The following STAT6 variants were observed in gnomAD, a reference collection of about 807,000 sequenced individuals.
The protein encoded by STAT6 is STAT, interleukin4-induced.
In STAT6, 45 loss-of-function variants were observed where a neutral mutation model predicts 106.3. That is an observed-to-expected ratio of 0.42 (90% CI 0.33 to 0.54). The LOEUF (loss-of-function observed/expected upper bound fraction) is 0.54, where lower values mean the gene tolerates loss of function less well. Among genes scored for constraint, STAT6 ranks in the 20% least tolerant of loss-of-function variants. The pLI is 0.06. For synonymous variants in STAT6, 413 were observed against 413.6 expected (o/e 1.00, Z 0.02); for missense variants, 797 against 1,062.2 (o/e 0.75, Z 3.47).
Position 57,102,462 on chromosome 12 carries a change from G to A in STAT6, c.1340C>T (p.Pro447Leu). 1 of 1,613,830 alleles carries A rather than the reference G, an allele frequency of 6.2e-7. No homozygotes were observed. The highest frequency in any genetic ancestry group is 8.5e-7 in the Non-Finnish European group (1 of 1,179,990). The change falls in exon 13 of 22, where the codon CCC becomes CTC. Residue 447 changes from proline (P) to leucine (L), a missense_variant. By Grantham distance (98) the Pro-to-Leu change is moderately conservative. Transcript: ENST00000300134. Reference protein sequence around the residue: ...RVPFVVAERVPWEKMCETLNL... With the variant: ...RVPFVVAERVLWEKMCETLNL... The stretch of plus-strand genomic sequence containing the variant: ...CAGAGTTTCACACATCTTCTCCCAG[G>A]GCACCCGCTCAGCCACCACAAAGGG...
Position 57,105,210 on chromosome 12 carries a change from G to C in STAT6, c.942C>G (p.Asp314Glu), listed in dbSNP as rs1565691154. The change falls in exon 9 of 22, where the codon GAC becomes GAG. Residue 314 changes from aspartate (D) to glutamate (E), a missense_variant. This residue lies in a region of STAT6 where 336 missense variants were observed against 429.8 expected (regional missense o/e 0.78). Transcript: ENST00000300134. ...APAKPPLVRA[D>E]MVTEKQAREL... ...CCCGCGCCTGCTTCTCTGTCACCATGTCGGCCCTGACCAGCGGAGGCTTGG... is the reference window on the plus strand; with the variant it reads ...CCCGCGCCTGCTTCTCTGTCACCATCTCGGCCCTGACCAGCGGAGGCTTGG... 6.2e-7 allele frequency: 1 copy of C among 1,614,002 alleles called. No homozygotes were observed. Among genetic ancestry groups the C allele is most frequent in the Non-Finnish European group, 8.5e-7 (1 of 1,179,974 alleles).
intron 6 of STAT6, 36 bp from the exon 7 acceptor site, chr12:57,106,375 G>A (rs759413985): frequency 3.1e-6 from 5 of 1,612,358 alleles, no homozygotes; most frequent in South Asian, 2.2e-5. Flanking sequence ...AGGGCCTCAC[G>A]CTGCCTCCAC....
At chr12:57,106,077 T>C in intron 7 of STAT6, 114 bp downstream of exon 7, 1 of 1,528,548 alleles carries the variant, frequency 6.5e-7, no homozygotes, top group East Asian at 2.3e-5. Context: ...TTATGCATCT[T>C]GGTCCACTCC....
intron 7 of STAT6, 193 bp from the exon 8 acceptor site, chr12:57,105,792 T>C: frequency 4.1e-6 from 4 of 981,380 alleles, no homozygotes; most frequent in Non-Finnish European, 4.3e-6. Context: ...GGGAGGTTCA[T>C]TCTCAGTGCC....
intron 9 of STAT6, 134 bp downstream of exon 9, chr12:57,105,017 T>A (rs1027511773): frequency 1.6e-6 from 2 of 1,283,186 alleles, no homozygotes; most frequent in African/African-American, 1.5e-5. Flanking sequence ...CCCTTTCCTC[T>A]GCCTTGACCA....
intron 1 of STAT6, among the ~76,000 whole-genome samples, chr12:57,110,877 C>T (rs2136629049): frequency 6.6e-6 from 1 of 152,218 alleles, no homozygotes; most frequent in South Asian, 2.1e-4. Context: ...TTTCCATGGC[C>T]CTGGGGGTGC....
At chr12:57,104,877 G>T in intron 9 of STAT6, 64 bp from the exon 10 acceptor site, 1 of 1,570,230 alleles carries the variant, frequency 6.4e-7, no homozygotes, top group South Asian at 1.1e-5. Flanking sequence ...GCGAGTGCAT[G>T]GGTGAGTGTA....
intron 11 of STAT6, chr12:57,103,570 GT>G (rs2034088631): frequency 6.7e-6 from 1 of 150,260 alleles, no homozygotes; most frequent in South Asian, 2.1e-4. Context: ...GTGCTGAGTT[GT>G]TTTGTTTTGT....
At chr12:57,098,723 C>A (rs2033617390) in intron 18 of STAT6, 69 bp downstream of exon 18, 1 of 1,557,964 alleles carries the variant, frequency 6.4e-7, no homozygotes, top group Non-Finnish European at 8.8e-7. Context: ...GCCAGCTCTC[C>A]CAGCTGCCCA....
At chr12:57,101,976 T>TC (rs1454341784) in intron 13 of STAT6, among the ~76,000 whole-genome samples, 1 of 152,138 alleles carries the variant, frequency 6.6e-6, no homozygotes, top group African/African-American at 2.4e-5. Flanking sequence ...GAACTATTTT[T>TC]CCAACAGGTC....
intron 13 of STAT6, among the ~76,000 whole-genome samples, chr12:57,101,615 C>T (rs2033938894): frequency 3.3e-5 from 5 of 150,976 alleles, no homozygotes; most frequent in Admixed American, 3.3e-4. Flanking sequence ...CTATCCGTCT[C>T]GGCCTCCCAA....
Position 57,106,829 on chromosome 12 carries a change from G to C in STAT6, c.342C>G (p.Phe114Leu), listed in dbSNP as rs1414157057. The change falls in exon 5 of 22, where the codon TTC (phenylalanine) becomes TTG (leucine). Residue 114 changes from phenylalanine to leucine, a missense_variant and splice_region_variant. Physicochemically the swap from Phe to Leu is conservative, Grantham distance 22. Around this residue, in one of 4 missense-constraint regions of STAT6, gnomAD observed 336 missense variants for 429.8 expected, o/e 0.78. Coordinates refer to ENST00000300134, the MANE Select transcript of STAT6 (RefSeq NM_003153.5). ...AGTGGAAAGGCATTGGCAAGTGGCGGAACTACACAGGAAGGACAGATGCCA... is the reference window on the plus strand; with the variant it reads ...AGTGGAAAGGCATTGGCAAGTGGCGCAACTACACAGGAAGGACAGATGCCA... ...QGEKKAVMEQ[F>L]RHLPMPFHWK... The C allele has an allele frequency of 6.2e-7, 1 of 1,613,584 alleles. No individual in the cohort carries two copies. Among genetic ancestry groups the C allele is most frequent in the African/African-American group, 1.3e-5 (1 of 74,924 alleles).
intron 4 of STAT6, 66 bp downstream of exon 4, chr12:57,107,165 T>C (rs1388605204): frequency 1.3e-6 from 2 of 1,519,178 alleles, no homozygotes; most frequent in Non-Finnish European, 1.8e-6. Flanking sequence ...TTCTTTCTAG[T>C]TTGTCATGGC....
intron 13 of STAT6, 64 bp from the exon 14 acceptor site, chr12:57,100,154 G>A (rs12231225): frequency 7.7e-6 from 11 of 1,422,358 alleles, no homozygotes; most frequent in Non-Finnish European, 9.7e-6. Flanking sequence ...GTTTAGGGCA[G>A]GCAGTGAGCT....
intron 3 of STAT6, 57 bp downstream of exon 3, chr12:57,107,548 C>T: frequency 6.3e-7 from 1 of 1,590,652 alleles, no homozygotes; most frequent in Non-Finnish European, 8.6e-7. Context: ...GGGCCCAATG[C>T]TCAACCCAGT....
chr12:57,096,330 C>G lies in STAT6; in HGVS notation c.*242G>C, dbSNP rs1353579081. On this transcript the variant is annotated 3_prime_UTR_variant, in exon 22 of 22. Coordinates refer to ENST00000300134, the MANE Select transcript of STAT6 (RefSeq NM_003153.5). ...GGCATGTTGGGGTGTGTCTCAGAGC[C>G]TGAACTTCCCTTCCAGTCAGTGCTG... 4 of 501,632 alleles carry G rather than the reference C, an allele frequency of 8.0e-6. No individual in the cohort carries two copies. The East Asian group carries it at 1.4e-4, about 18-fold the overall frequency. 31.1% of individuals were successfully genotyped at this position (501,632 alleles called of 1,614,324 possible).
At position 57,099,211 on chromosome 12, in the gene STAT6, A is replaced by G; in HGVS notation, c.1891+83T>C. On this transcript the variant is annotated intron_variant, in intron 16 of 21. Transcript: ENST00000300134. This position sits in a 1 kb window ranked among gnomAD's most constrained non-coding sequence, Gnocchi z 4.7. The stretch of plus-strand genomic sequence containing the variant: ...AAATAGGGAGTGACATCAGGATGAC[A>G]CGCGGGCAGGGAGAGGAGGGCAGCG... The G allele has an allele frequency of 6.2e-7, 1 of 1,602,374 alleles. No homozygotes were observed. Among genetic ancestry groups the G allele is most frequent in the Non-Finnish European group, 8.5e-7 (1 of 1,170,338 alleles).
chr12:57,108,187 C>T lies in STAT6; in HGVS notation c.92G>A (p.Gly31Asp). Residue 31 changes from glycine to aspartate, a missense_variant, in exon 2 of 22, where the codon GGT becomes GAT. Gly to Asp is a moderately conservative substitution (Grantham distance 94). Around this residue, in one of 4 missense-constraint regions of STAT6, gnomAD observed 336 missense variants for 429.8 expected, o/e 0.78. Transcript: ENST00000300134. Reference protein sequence around the residue: ...DFPQHLRHLLGDWLESQPWEF... With the variant: ...DFPQHLRHLLDDWLESQPWEF... ...CCAGGGCTGGCTCTCCAGCCAGTCA[C>T]CCAGAAGATGCCGCAGGTGTTGGGG... 6.2e-7 allele frequency: 1 copy of T among 1,611,954 alleles called. No individual in the cohort carries two copies.
At chr12:57,105,972 G>A in intron 7 of STAT6, 1 of 732,346 alleles carries the variant, frequency 1.4e-6, no homozygotes. Context: ...GAGAAGCCTG[G>A]GTTGGATGAG....
Sources: gnomAD v4.1 joint callset for allele counts (sites outside exome capture counted in the v4.1 genomes callset) on GRCh38, gnomAD v4.1.1 for gene constraint, gnomAD v4.1.1 regional missense constraint, Gnocchi (gnomAD v3.1) non-coding constraint, MANE v1.5 for transcripts, NCBI Gene and HGNC (gene_info 2026-07-23, HGNC 2026-07-21) for gene names.